RBFOX1: variants seen among roughly 807,000 people sequenced by gnomAD.
RBFOX1 encodes the protein RNA binding protein fox-1 homolog 1.
Under a neutral mutation model 57.7 loss-of-function variants are expected in RBFOX1, and 8 were observed. That is an observed-to-expected ratio of 0.14 (90% CI 0.08 to 0.25). The LOEUF (loss-of-function observed/expected upper bound fraction) is 0.25. Among genes scored for constraint, RBFOX1 ranks in the 10% least tolerant of loss-of-function variants. RBFOX1 has a pLI of 1.00. For missense variants in RBFOX1, 611 were observed against 548.5 expected, an observed-to-expected ratio of 1.11 and a Z score of -1.14; for synonymous variants, 326 against 222.4, an observed-to-expected ratio of 1.47 and a Z score of -4.15.
At chr16:6,750,111 C>G (rs943938910) in intron 3 of RBFOX1, among the ~76,000 whole-genome samples, 1 of 152,126 alleles carries the variant, frequency 6.6e-6, no homozygotes, top group African/African-American at 2.4e-5. Context: ...CTTTCTGTTA[C>G]TGTCAGAACT....
At chr16:6,962,673 T>C (rs1257174214) in intron 3 of RBFOX1, among the ~76,000 whole-genome samples, 1 of 152,218 alleles carries the variant, frequency 6.6e-6, no homozygotes, top group East Asian at 1.9e-4. Context: ...AAGACCAGCC[T>C]GAGCAACACA....
intron 4 of RBFOX1, among the ~76,000 whole-genome samples, chr16:7,059,296 C>T (rs2053515420): frequency 6.6e-6 from 1 of 152,186 alleles, no homozygotes; most frequent in South Asian, 2.1e-4. Context: ...CTCCCCACCC[C>T]TTGGTGAGAC....
intron 4 of RBFOX1, among the ~76,000 whole-genome samples, chr16:7,282,889 G>T (rs796896130): frequency 1.6e-4 from 24 of 152,302 alleles, no homozygotes; most frequent in African/African-American, 5.8e-4. Context: ...ATCGCATCCA[G>T]GTTGCTGCAA....
At position 7,709,227 on chromosome 16, in the gene RBFOX1, G is replaced by A. The variant is rs529155204; in HGVS notation, c.1071+96G>A. Reference sequence around the variant, plus strand: ...ACGGGTTGACGTCCTCTCACTTCCCGTTAATTGAATTTGTCTCTTGTGCTA... The same window carrying A: ...ACGGGTTGACGTCCTCTCACTTCCCATTAATTGAATTTGTCTCTTGTGCTA... On this transcript the variant is annotated intron_variant, in intron 15 of 15. Transcript: ENST00000550418. 339 of 1,218,072 alleles carry A rather than the reference G, an allele frequency of 2.8e-4. 1 individual carries two copies. The East Asian group carries it at 3.4e-3, about 12-fold the overall frequency. 75.5% of individuals were successfully genotyped at this position (1,218,072 alleles called of 1,614,324 possible). A position where few individuals can be genotyped will look rare whatever the true frequency, so the allele number is the denominator to read the frequency against.
intron 1 of RBFOX1, among the ~76,000 whole-genome samples, chr16:6,082,655 G>C (rs1221394418): frequency 6.6e-6 from 1 of 152,062 alleles, no homozygotes; most frequent in Non-Finnish European, 1.5e-5. Flanking sequence ...AATAGGGACG[G>C]AATGATAAGC....
At chr16:5,720,709 T>G (rs2051899057) in intron 3 of RBFOX1, among the ~76,000 whole-genome samples, 1 of 152,232 alleles carries the variant, frequency 6.6e-6, no homozygotes, top group African/African-American at 2.4e-5. Flanking sequence ...TGAATGCCCT[T>G]TATGCCCTCG....
intron 2 of RBFOX1, among the ~76,000 whole-genome samples, chr16:5,563,090 C>G (rs1352444442): frequency 1.3e-5 from 2 of 152,194 alleles, no homozygotes; most frequent in Non-Finnish European, 2.9e-5. Context: ...GCTGGGCTTA[C>G]AGGCACCCGC....
At chr16:7,343,239 A>T (rs954170359) in intron 4 of RBFOX1, among the ~76,000 whole-genome samples, 4 of 152,194 alleles carry the variant, frequency 2.6e-5, no homozygotes, top group Admixed American at 1.3e-4. Flanking sequence ...GTCACTGGGC[A>T]GCTTATGGGA....
intron 1 of RBFOX1, among the ~76,000 whole-genome samples, chr16:5,396,941 C>T (rs944000478): frequency 6.6e-6 from 1 of 152,146 alleles, no homozygotes; most frequent in Admixed American, 6.5e-5. Flanking sequence ...TATCAGACAC[C>T]CCTGGATATG....
At chr16:6,348,916 A>G (rs2085819696) in intron 2 of RBFOX1, among the ~76,000 whole-genome samples, 1 of 152,170 alleles carries the variant, frequency 6.6e-6, no homozygotes, top group African/African-American at 2.4e-5. Context: ...CAGGTGTACT[A>G]TGCTTTTCTG....
intron 11 of RBFOX1, among the ~76,000 whole-genome samples, chr16:7,638,067 G>GCA (rs1340105917): frequency 6.6e-6 from 1 of 152,124 alleles, no homozygotes; most frequent in East Asian, 1.9e-4. Context: ...ATTAAAACAT[G>GCA]ATCTATCTCC....
At chr16:5,513,655 T>C (rs1194110542) in intron 2 of RBFOX1, among the ~76,000 whole-genome samples, 1 of 152,248 alleles carries the variant, frequency 6.6e-6, no homozygotes. Context: ...CATTTGTTTA[T>C]TTATTCAATC....
At chr16:7,067,446 CTT>C (rs780323330) in intron 4 of RBFOX1, among the ~76,000 whole-genome samples, 13 of 141,598 alleles carry the variant, frequency 9.2e-5, no homozygotes, top group Non-Finnish European at 1.4e-4. Context: ...GGAGAGAATC[CTT>C]TTTTTTTTTT....
intron 2 of RBFOX1, among the ~76,000 whole-genome samples, chr16:6,551,333 T>C (rs1365756086): frequency 6.6e-6 from 1 of 152,182 alleles, no homozygotes; most frequent in Non-Finnish European, 1.5e-5. Flanking sequence ...CTGCCTCTTA[T>C]TACCAGCGGC....
chr16:5,889,731 A>C (rs549377475), intron 4 of RBFOX1, among the ~76,000 whole-genome samples: 78 of 152,290 alleles, frequency 5.1e-4, no homozygotes, highest in African/African-American at 1.8e-3. Context: ...GATCTCACCT[A>C]GTCCTGGGGT....
intron 1 of RBFOX1, among the ~76,000 whole-genome samples, chr16:5,294,008 C>T (rs1197640716): frequency 1.3e-5 from 2 of 152,122 alleles, no homozygotes; most frequent in Non-Finnish European, 1.5e-5. Context: ...GCGGGTAGAA[C>T]ACCTGAGGCC....
intron 3 of RBFOX1, among the ~76,000 whole-genome samples, chr16:6,868,924 C>G (rs1025720104): frequency 6.6e-6 from 1 of 152,202 alleles, no homozygotes; most frequent in Non-Finnish European, 1.5e-5. Context: ...TGAGTTACCA[C>G]ATTTTCTAGC....
intron 1 of RBFOX1, among the ~76,000 whole-genome samples, chr16:6,125,416 A>T (rs1372746216): frequency 2.0e-5 from 3 of 152,162 alleles, no homozygotes; most frequent in African/African-American, 7.2e-5. Flanking sequence ...AGGAGAGAGC[A>T]TCTTGTTTGT....
At chr16:6,594,375 A>C (rs148886854) in intron 2 of RBFOX1, among the ~76,000 whole-genome samples, 2 of 152,182 alleles carry the variant, frequency 1.3e-5, no homozygotes, top group African/African-American at 2.4e-5. Context: ...ACAAGAATGC[A>C]TGTGCGATTA....
Sources: gnomAD v4.1 joint callset for allele counts (sites outside exome capture counted in the v4.1 genomes callset) on GRCh38, gnomAD v4.1.1 for gene constraint, MANE v1.5 for transcripts, NCBI Gene and HGNC (gene_info 2026-07-23, HGNC 2026-07-21) for gene names.